Variants in SKIC3 observed in about 807,000 individuals in gnomAD.
The protein encoded by SKIC3 is superkiller complex protein 3.
the SKIC3 span, among the ~76,000 whole-genome samples, chr5:95,476,465 T>C: frequency 9.2e-5 from 14 of 152,372 alleles, no homozygotes; most frequent in South Asian, 2.9e-3. Context: ...TATTTTAATA[T>C]ATCCATCCTC....
the SKIC3 span, among the ~76,000 whole-genome samples, chr5:95,519,062 T>C: frequency 5.9e-5 from 9 of 151,634 alleles, no homozygotes; most frequent in South Asian, 1.7e-3. Context: ...ATTGGTGATG[T>C]TGAACATTAA....
chr5:95,463,990 T>C, the SKIC3 span: 3 of 152,264 alleles, frequency 2.0e-5, no homozygotes, highest in African/African-American at 7.2e-5. Context: ...TATTTTCCAT[T>C]AATGTTTTTA....
At chr5:95,511,722 A>AT in the SKIC3 span, among the ~76,000 whole-genome samples, 1 of 152,208 alleles carries the variant, frequency 6.6e-6, no homozygotes, top group South Asian at 2.1e-4. Context: ...TGAAACTAAC[A>AT]TTTCTTGAGC....
chr5:95,520,856 ATAAAATAAACACT>A, the SKIC3 span: 3 of 1,425,734 alleles, frequency 2.1e-6, no homozygotes, highest in Non-Finnish European at 3.0e-6. Flanking sequence ...ATTAAAACAT[ATAAAATAAACACT>A]TAAAATGAAC....
At chr5:95,553,560 TG>T in the SKIC3 span, among the ~76,000 whole-genome samples, 8 of 152,214 alleles carry the variant, frequency 5.3e-5, no homozygotes, top group African/African-American at 1.9e-4. Flanking sequence ...GGGGTTTTTT[TG>T]TTTTTGTTTT....
At chr5:95,492,636 C>CAAAAAAAAAA in the SKIC3 span, among the ~76,000 whole-genome samples, 1 of 14,128 alleles carries the variant, frequency 7.1e-5, no homozygotes, top group Admixed American at 1.1e-3. Flanking sequence ...GACTCCGTCT[C>CAAAAAAAAAA]AAAAAAAAAA....
chr5:95,508,634 A>G, the SKIC3 span, among the ~76,000 whole-genome samples: 3 of 152,174 alleles, frequency 2.0e-5, no homozygotes, highest in Admixed American at 6.5e-5. Context: ...CCTGCCCTGC[A>G]TTCTCTGGCC....
the SKIC3 span, among the ~76,000 whole-genome samples, chr5:95,530,810 A>G: frequency 6.6e-6 from 1 of 152,174 alleles, no homozygotes; most frequent in African/African-American, 2.4e-5. Flanking sequence ...TAGTCATCCA[A>G]TGCCTACATT....
the SKIC3 span, among the ~76,000 whole-genome samples, chr5:95,476,163 C>T: frequency 2.0e-5 from 3 of 152,248 alleles, no homozygotes; most frequent in Non-Finnish European, 4.4e-5. Context: ...CATCTCACCC[C>T]TCTTAGCTCT....
chr5:95,484,372 G>T, the SKIC3 span, among the ~76,000 whole-genome samples: 2 of 137,750 alleles, frequency 1.5e-5, no homozygotes, highest in African/African-American at 5.6e-5. Context: ...TTCCAGACAG[G>T]ATCTCATTCT....
the SKIC3 span, chr5:95,513,448 A>G: frequency 9.4e-7 from 1 of 1,066,246 alleles, no homozygotes; most frequent in South Asian, 1.3e-5. Context: ...CTGCCTTGGC[A>G]TCCCAAATCA....
At chr5:95,517,272 T>A in the SKIC3 span, 3 of 1,613,264 alleles carry the variant, frequency 1.9e-6, no homozygotes, top group Non-Finnish European at 2.5e-6. Context: ...GGTACAAGCA[T>A]CCCCAGCTAG....
the SKIC3 span, among the ~76,000 whole-genome samples, chr5:95,487,119 G>A: frequency 6.6e-6 from 1 of 152,070 alleles, no homozygotes; most frequent in Non-Finnish European, 1.5e-5. Context: ...ACACGAAAAA[G>A]CAAGACCGGC....
chr5:95,497,437 C>CA, the SKIC3 span: 1 of 1,613,546 alleles, frequency 6.2e-7, no homozygotes, highest in Non-Finnish European at 8.5e-7. Context: ...GTTGAGCATA[C>CA]TGTGCAACAA....
At chr5:95,501,060 G>C in the SKIC3 span, among the ~76,000 whole-genome samples, 1 of 152,006 alleles carries the variant, frequency 6.6e-6, no homozygotes, top group East Asian at 1.9e-4. Context: ...AAGTATGTCA[G>C]TCAGTGTCAT....
the SKIC3 span, among the ~76,000 whole-genome samples, chr5:95,497,870 T>TA: frequency 3.1e-4 from 46 of 150,774 alleles, no homozygotes; most frequent in African/African-American, 9.0e-4. Context: ...TTAAAATAAC[T>TA]AAAAAAAAAC....
chr5:95,534,598 A>G, the SKIC3 span, among the ~76,000 whole-genome samples: 1 of 152,174 alleles, frequency 6.6e-6, no homozygotes, highest in African/African-American at 2.4e-5. Context: ...AAGACAGACC[A>G]TAATAATCTC....
the SKIC3 span, chr5:95,523,093 T>C: frequency 2.8e-6 from 4 of 1,431,196 alleles, no homozygotes; most frequent in African/African-American, 2.8e-5. Context: ...TAAAGTAATT[T>C]TGTTATTTCT....
the SKIC3 span, among the ~76,000 whole-genome samples, chr5:95,532,972 G>A: frequency 6.6e-6 from 1 of 151,874 alleles, no homozygotes; most frequent in Non-Finnish European, 1.5e-5. Context: ...CTTGAGGGGG[G>A]AAAAAAACCA....
Sources: allele counts gnomAD v4.1 joint callset (sites outside exome capture counted in the v4.1 genomes callset), GRCh38; gene constraint gnomAD v4.1.1; transcripts MANE v1.5; gene names NCBI Gene and HGNC (gene_info 2026-07-23, HGNC 2026-07-21).